NEB: variants seen among roughly 807,000 people sequenced by gnomAD.
NEB encodes the protein nebulin, also known as nemaline myopathy type 2.
In NEB, 512 loss-of-function variants were observed where a neutral mutation model predicts 952.2. The ratio of observed to expected loss-of-function variants is 0.54; its 90% CI spans 0.50 to 0.58. NEB has a LOEUF of 0.58. NEB is among the 20% of genes least tolerant of loss of function. NEB has a pLI of 0.00. For synonymous variants in NEB, 2,900 were observed against 3,149.8 expected (o/e 0.92, Z 2.66); for missense variants, 8,428 against 9,231.1 (o/e 0.91, Z 3.56).
intron 45 of NEB, 67 bp downstream of exon 45, chr2:151,663,481 T>C (rs1422828136): frequency 9.7e-6 from 14 of 1,437,664 alleles, no homozygotes; most frequent in Non-Finnish European, 1.3e-5. Context: ...AAAACGTCAT[T>C]GCTTATGGTC....
intron 77 of NEB, among the ~76,000 whole-genome samples, chr2:151,612,904 T>C (rs1247407883): frequency 2.0e-5 from 3 of 152,172 alleles, no homozygotes; most frequent in African/African-American, 7.2e-5. Flanking sequence ...AGTCACAGAG[T>C]ACATCTCTCT....
At position 151,610,813 on chromosome 2, in the gene NEB, T is replaced by C; in HGVS notation, c.11859A>G (p.Pro3953=). The C allele has an allele frequency of 6.2e-7, 1 of 1,606,342 alleles. No individual in the cohort carries two copies. The highest frequency in any genetic ancestry group is 8.5e-7 in the Non-Finnish European group (1 of 1,176,038). Residue 3953 remains proline, a synonymous_variant, in exon 79 of 182, where the codon CCA becomes CCG. Transcript: ENST00000397345. ...DADKTSIHVM[P]DTPDILLAKS... ...TGGCCAGCAGGATATCTGGGGTGTC[T>C]GGCATCACGTGGATGGAGGTTTTGT...
At chr2:151,645,035 T>C (rs1287709826) in intron 55 of NEB, among the ~76,000 whole-genome samples, 1 of 152,168 alleles carries the variant, frequency 6.6e-6, no homozygotes, top group Non-Finnish European at 1.5e-5. Context: ...TAAATATAGC[T>C]AAACATGGAA....
intron 153 of NEB, among the ~76,000 whole-genome samples, chr2:151,521,281 G>A (rs2081803453): frequency 6.6e-6 from 1 of 152,140 alleles, no homozygotes; most frequent in African/African-American, 2.4e-5. Flanking sequence ...CAGTGGAAAT[G>A]CAGAGAAAAA....
At chr2:151,673,732 C>CTTTTTTT (rs10716811) in intron 36 of NEB, among the ~76,000 whole-genome samples, 20 of 92,840 alleles carry the variant, frequency 2.2e-4, no homozygotes, top group African/African-American at 3.5e-4. Flanking sequence ...TTTTCTTTTT[C>CTTTTTTT]TTTTTTTTTT....
At position 151,692,251 on chromosome 2, in the gene NEB, C is replaced by G. The variant is rs746035711; in HGVS notation, c.1998+10G>C. The G allele has an allele frequency of 6.2e-7, 1 of 1,613,150 alleles. No individual in the cohort carries two copies. Among genetic ancestry groups the G allele is most frequent in the Non-Finnish European group, 8.5e-7 (1 of 1,179,180 alleles). On this transcript the variant is annotated intron_variant, in intron 21 of 181. Coordinates refer to ENST00000397345, the MANE Select transcript of NEB (RefSeq NM_001164508.2). ...CCTCCTACCCGAAAGGTAACCGTGG[C>G]TTTTCGAACCTCACTGAAGTTCTTC...
intron 151 of NEB, 150 bp from the exon 152 acceptor site, chr2:151,524,766 A>G (rs1331147414): frequency 1.2e-5 from 8 of 685,558 alleles, no homozygotes; most frequent in African/African-American, 3.9e-5. Flanking sequence ...TCCCGGATTC[A>G]AGTGATTCTT....
intron 63 of NEB, among the ~76,000 whole-genome samples, chr2:151,636,900 T>A (rs2098772639): frequency 6.6e-6 from 1 of 152,176 alleles, no homozygotes; most frequent in South Asian, 2.1e-4. Context: ...TTTTAAAAAA[T>A]TTTAGTTAAA....
Position 151,563,660 on chromosome 2 carries a change from G to C in NEB, c.18639C>G (p.Ile6213Met). ...AGTGAACCACACCAGGGAATTCACCGATCACTTTTCCAGCCAGGTAGTGAC... is the reference window on the plus strand; with the variant it reads ...AGTGAACCACACCAGGGAATTCACCCATCACTTTTCCAGCCAGGTAGTGAC... ...QKGHYLAGKV[I>M]GEFPGVVHCL... The change falls in exon 119 of 182, where the codon ATC (isoleucine) becomes ATG (methionine). Residue 6213 changes from isoleucine to methionine, a missense_variant. By Grantham distance (10) the Ile-to-Met change is conservative. Around this residue, in one of 11 missense-constraint regions of NEB, gnomAD observed 3,374 missense variants for 3,651.5 expected, o/e 0.92. Transcript: ENST00000397345. 2.5e-6 allele frequency: 4 copies of C among 1,613,840 alleles called. No individual in the cohort carries two copies. The highest frequency in any genetic ancestry group is 3.4e-6 in the Non-Finnish European group (4 of 1,179,776).
intron 146 of NEB, among the ~76,000 whole-genome samples, chr2:151,528,765 A>C (rs1426096693): frequency 6.6e-6 from 1 of 152,206 alleles, no homozygotes; most frequent in Non-Finnish European, 1.5e-5. Context: ...CAACGCAGGG[A>C]ATATCTGAGC....
At chr2:151,511,947 C>T (rs910670879) in intron 161 of NEB, among the ~76,000 whole-genome samples, 2 of 151,432 alleles carry the variant, frequency 1.3e-5, no homozygotes, top group Admixed American at 6.6e-5. Context: ...ACAAGTTGTA[C>T]CATGTTCTTC....
At chr2:151,637,506 T>C (rs555320115) in intron 63 of NEB, among the ~76,000 whole-genome samples, 8 of 152,316 alleles carry the variant, frequency 5.3e-5, no homozygotes, top group Admixed American at 2.6e-4. Flanking sequence ...AGTTCTCTTC[T>C]TTTTAACATC....
At chr2:151,529,443 C>T (rs542895768) in intron 145 of NEB, 129 bp from the exon 146 acceptor site, 16 of 670,142 alleles carry the variant, frequency 2.4e-5, no homozygotes, top group African/African-American at 2.2e-4. Context: ...TTTTAAAAAT[C>T]TGCTGTGGAG....
chr2:151,656,213 G>T lies in NEB; in HGVS notation c.6435C>A (p.Ile2145=). The T allele has an allele frequency of 6.2e-7, 1 of 1,612,388 alleles. No homozygotes were observed. Among genetic ancestry groups the T allele is most frequent in the Non-Finnish European group, 8.5e-7 (1 of 1,178,874 alleles). Reference sequence around the variant, plus strand: ...CAATGTTCATTGCATCTGGAAGGAGGATGTACTTGTGAATCAGGTGCTTGT... The same window carrying T: ...CAATGTTCATTGCATCTGGAAGGAGTATGTACTTGTGAATCAGGTGCTTGT... ...TNYKHLIHKY[I]LLPDAMNIEL... Residue 2145 remains isoleucine (I), a synonymous_variant, in exon 49 of 182, where the codon ATC becomes ATA. Coordinates refer to ENST00000397345, the MANE Select transcript of NEB (RefSeq NM_001164508.2).
chr2:151,628,890 CA>C (rs1472018673), intron 68 of NEB, among the ~76,000 whole-genome samples: 1 of 129,592 alleles, frequency 7.7e-6, no homozygotes, highest in East Asian at 2.4e-4. Context: ...AACAAACAAA[CA>C]AAAACAAAAG....
chr2:151,680,320 T>C (rs12104727), intron 30 of NEB, among the ~76,000 whole-genome samples: 1,944 of 152,212 alleles, frequency 0.013, 39 homozygotes, highest in African/African-American at 0.044. Context: ...ACCACCTATA[T>C]TATATTTTGT....
intron 9 of NEB, among the ~76,000 whole-genome samples, chr2:151,719,436 A>G (rs944704028): frequency 6.6e-6 from 1 of 152,222 alleles, no homozygotes; most frequent in Non-Finnish European, 1.5e-5. Context: ...AATCATCTTT[A>G]TACTTTAACC....
chr2:151,526,965 C>T lies in NEB; in HGVS notation c.21898G>A (p.Asp7300Asn). Residue 7300 changes from aspartate to asparagine, a missense_variant, in exon 148 of 182, where the codon GAC (aspartate) becomes AAC (asparagine). Physicochemically the swap from Asp to Asn is conservative, Grantham distance 23. Around this residue, in one of 11 missense-constraint regions of NEB, gnomAD observed 3,374 missense variants for 3,651.5 expected, o/e 0.92. Transcript: ENST00000397345. The part of the protein sequence containing the change: ...LKGCKLSVTD[D>N]KNTVLALRNT... ...CTGAGGGCGAGCACCGTGTTTTTGTCATCAGTGACAGAAAGCTTGCAACCC... is the reference window on the plus strand; with the variant it reads ...CTGAGGGCGAGCACCGTGTTTTTGTTATCAGTGACAGAAAGCTTGCAACCC... The T allele has an allele frequency of 6.2e-7, 1 of 1,604,488 alleles. No individual in the cohort carries two copies. Among genetic ancestry groups the T allele is most frequent in the Non-Finnish European group, 8.5e-7 (1 of 1,174,784 alleles).
rs369429046 is a variant in NEB at position 151,614,318 on chromosome 2, A to G, written c.11559T>C (p.Asn3853=). Residue 3853 remains asparagine (N), a synonymous_variant, in exon 77 of 182, where the codon AAT becomes AAC. Coordinates refer to ENST00000397345, the MANE Select transcript of NEB (RefSeq NM_001164508.2). ...LHEWTCLPDQ[N]DVIQARKAYD... ...AGGCCTTCCGAGCCTGAATGACGTC[A>G]TTCTGATCAGGCAGGCAGGTCCATT... 1.3e-5 allele frequency: 21 copies of G among 1,613,906 alleles called. No individual in the cohort carries two copies. In the African/African-American group the frequency reaches 2.8e-4, roughly 22 times the overall value.
Sources: gnomAD v4.1 joint callset for allele counts (sites outside exome capture counted in the v4.1 genomes callset) on GRCh38, gnomAD v4.1.1 for gene constraint, gnomAD v4.1.1 regional missense constraint, MANE v1.5 for transcripts, NCBI Gene and HGNC (gene_info 2026-07-23, HGNC 2026-07-21) for gene names.